The following COL21A1 variants were observed in gnomAD, a reference collection of about 807,000 sequenced individuals.
The protein encoded by COL21A1 is collagen alpha-1(XXI) chain.
Under a neutral mutation model 137.9 loss-of-function variants are expected in COL21A1, and 149 were observed. The observed-to-expected ratio is 1.08, with a 90% CI of 0.95 to 1.24. The LOEUF (loss-of-function observed/expected upper bound fraction) is 1.24, where lower values mean the gene tolerates loss of function less well. Ranked by LOEUF, COL21A1 falls within the 50% of genes most tolerant of loss-of-function variation. The pLI is 0.00. For missense variants in COL21A1, 1,167 were observed against 1,158.4 expected (o/e 1.01, Z -0.11); for synonymous variants, 456 against 391.5 (o/e 1.16, Z -1.95).
intron 20 of COL21A1, among the ~76,000 whole-genome samples, chr6:56,071,009 T>G (rs1766698062): frequency 6.6e-6 from 1 of 151,666 alleles, no homozygotes; most frequent in African/African-American, 2.4e-5. Context: ...TAAGCCTCTC[T>G]AAAAACCTGT....
At chr6:56,188,232 G>A (rs1305217559) in intron 1 of COL21A1, among the ~76,000 whole-genome samples, 1 of 152,174 alleles carries the variant, frequency 6.6e-6, no homozygotes, top group Non-Finnish European at 1.5e-5. Flanking sequence ...GTTAGGTAAA[G>A]TTTCTTATAA....
intron 1 of COL21A1, among the ~76,000 whole-genome samples, chr6:56,262,289 G>A (rs1331504193): frequency 6.6e-6 from 1 of 152,134 alleles, no homozygotes; most frequent in Non-Finnish European, 1.5e-5. Flanking sequence ...ACCATCCTCT[G>A]TACTTTCATT....
At position 56,152,315 on chromosome 6, in the gene COL21A1, G is replaced by C. The variant is rs1056468384; in HGVS notation, c.1434+4572C>G. On this transcript the variant is annotated intron_variant, in intron 10 of 29. Coordinates refer to ENST00000244728, the MANE Select transcript of COL21A1 (RefSeq NM_030820.4). ...ATAAAGACTTTTGTGTTTATATCTG[G>C]CTGCCCAGATAATCCAGGCCAATCT... 5.9e-5 allele frequency among the ~76,000 whole-genome samples: 9 copies of C among 152,098 alleles called. No individual in the cohort carries two copies. The East Asian group carries it at 1.7e-3, about 29-fold the overall frequency.
chr6:56,098,842 A>G (rs1323904652), intron 17 of COL21A1, among the ~76,000 whole-genome samples: 1 of 146,430 alleles, frequency 6.8e-6, no homozygotes. Context: ...CAGCCTCCCG[A>G]GTAGCTGGGA....
At chr6:56,235,901 G>A (rs1049654885) in intron 1 of COL21A1, among the ~76,000 whole-genome samples, 6 of 151,936 alleles carry the variant, frequency 3.9e-5, no homozygotes, top group African/African-American at 1.2e-4. Flanking sequence ...AAAACTTCTG[G>A]GATCCAAAAT....
intron 17 of COL21A1, among the ~76,000 whole-genome samples, chr6:56,084,847 G>T (rs1768092362): frequency 6.6e-6 from 1 of 152,026 alleles, no homozygotes; most frequent in Admixed American, 6.6e-5. Context: ...TGCAGACTCA[G>T]AAATCAATAC....
chr6:56,345,983 C>T (rs1195151552), intron 1 of COL21A1, among the ~76,000 whole-genome samples: 1 of 152,206 alleles, frequency 6.6e-6, no homozygotes, highest in Non-Finnish European at 1.5e-5. Flanking sequence ...TGGCTTTATA[C>T]TCTGACAATT....
At chr6:56,233,271 T>C (rs534941671) in intron 1 of COL21A1, among the ~76,000 whole-genome samples, 30 of 151,768 alleles carry the variant, frequency 2.0e-4, no homozygotes, top group African/African-American at 6.8e-4. Context: ...AAATACAAAA[T>C]TGCAAACACG....
chr6:56,139,357 A>G (rs895154461), intron 12 of COL21A1, among the ~76,000 whole-genome samples: 8 of 152,144 alleles, frequency 5.3e-5, no homozygotes, highest in African/African-American at 1.9e-4. Flanking sequence ...GATGATAAAA[A>G]CCAGGTTTAA....
intron 1 of COL21A1, among the ~76,000 whole-genome samples, chr6:56,353,993 G>A (rs1765776077): frequency 6.6e-6 from 1 of 152,138 alleles, no homozygotes; most frequent in Non-Finnish European, 1.5e-5. Context: ...TAATTTAAAT[G>A]CTTTTAAAAG....
At chr6:56,251,636 T>C (rs1463025848), upstream of COL21A1, among the ~76,000 whole-genome samples, 1 of 152,192 alleles carries the variant, frequency 6.6e-6, no homozygotes, top group Non-Finnish European at 1.5e-5. Context: ...GCATACTTTT[T>C]CTAAAACCTA....
intron 16 of COL21A1, among the ~76,000 whole-genome samples, chr6:56,108,149 C>A (rs1771115617): frequency 6.6e-6 from 1 of 151,710 alleles, no homozygotes; most frequent in Admixed American, 6.6e-5. Context: ...AAATTAAAAG[C>A]AGAATAGGAA....
At chr6:56,164,712 G>T in intron 8 of COL21A1, 102 bp downstream of exon 8, 1 of 959,450 alleles carries the variant, frequency 1.0e-6, no homozygotes, top group Non-Finnish European at 1.5e-6. Context: ...ATAAAAATGG[G>T]TTCCATTTGT....
At chr6:56,222,767 T>C (rs1780922465) in intron 1 of COL21A1, among the ~76,000 whole-genome samples, 1 of 94,640 alleles carries the variant, frequency 1.1e-5, no homozygotes, top group South Asian at 4.4e-4. Flanking sequence ...TGTAAGCTCC[T>C]ATTCTTTAAA....
chr6:56,204,889 G>C (rs946570004), intron 1 of COL21A1, among the ~76,000 whole-genome samples: 1 of 152,184 alleles, frequency 6.6e-6, no homozygotes, highest in Non-Finnish European at 1.5e-5. Flanking sequence ...CTGCAGCAGA[G>C]GGGCCTGACT....
intron 17 of COL21A1, among the ~76,000 whole-genome samples, chr6:56,088,350 TGAG>T: frequency 6.6e-6 from 1 of 152,048 alleles, no homozygotes; most frequent in East Asian, 1.9e-4. Flanking sequence ...GGCAACAGAG[TGAG>T]ACTCCATCTC....
At chr6:56,339,879 CG>C (rs770022950) in intron 1 of COL21A1, among the ~76,000 whole-genome samples, 9 of 151,848 alleles carry the variant, frequency 5.9e-5, no homozygotes, top group Non-Finnish European at 8.8e-5. Flanking sequence ...GGGAGAATAC[CG>C]GAAAAAATAT....
chr6:56,383,660 C>T (rs890495840), intron 1 of COL21A1, among the ~76,000 whole-genome samples: 6 of 152,190 alleles, frequency 3.9e-5, no homozygotes, highest in African/African-American at 1.2e-4. Context: ...GCAGAAGCAC[C>T]ACCCAGAGGG....
chr6:56,371,352 C>G (rs1481581849), intron 1 of COL21A1, among the ~76,000 whole-genome samples: 1 of 152,140 alleles, frequency 6.6e-6, no homozygotes, highest in Non-Finnish European at 1.5e-5. Flanking sequence ...GGCTTCAGCT[C>G]ATCTAAATGA....
Sources: gnomAD v4.1 joint callset for allele counts (sites outside exome capture counted in the v4.1 genomes callset) on GRCh38, gnomAD v4.1.1 for gene constraint, MANE v1.5 for transcripts, NCBI Gene and HGNC (gene_info 2026-07-23, HGNC 2026-07-21) for gene names.